DGKG: variants seen among roughly 807,000 people sequenced by gnomAD.
The protein encoded by DGKG is diacylglycerol kinase gamma.
DGKG carries 78 observed loss-of-function variants against 105.3 expected under a neutral mutation model. The ratio of observed to expected loss-of-function variants is 0.74; its 90% confidence interval spans 0.62 to 0.89. The LOEUF (loss-of-function observed/expected upper bound fraction) is 0.89, where lower values mean the gene tolerates loss of function less well. DGKG is among the 40% of genes least tolerant of loss of function. DGKG has a pLI of 0.00. For missense variants in DGKG, 958 were observed against 1,020.1 expected, an observed-to-expected ratio of 0.94 and a Z score of 0.83; for synonymous variants, 346 against 367.1, an observed-to-expected ratio of 0.94 and a Z score of 0.66.
chr3:186,269,404 G>T (rs1560125427), intron 11 of DGKG, among the ~76,000 whole-genome samples: 1 of 152,182 alleles, frequency 6.6e-6, no homozygotes, highest in Non-Finnish European at 1.5e-5. Flanking sequence ...TGTGGGAATT[G>T]GTATAAGAAG....
rs1179031736 is a variant in DGKG, at chr3:186,231,235, T to A, written c.1826+11269A>T. ...TTTTCTCATGGGCCCTTTAATCATA[T>A]CTATGGCTCTTTTCTAGTCTTTTTT... On this transcript the variant is annotated intron_variant, in intron 20 of 24. Coordinates refer to ENST00000265022, the MANE Select transcript of DGKG (RefSeq NM_001346.3). The surrounding 1 kb of genome is among the most constrained non-coding windows in gnomAD (Gnocchi z 4.5). Among the ~76,000 whole-genome samples, 1 of 152,176 alleles carries A rather than the reference T, an allele frequency of 6.6e-6. No individual in the cohort carries two copies. Among genetic ancestry groups the A allele is most frequent in the Non-Finnish European group, 1.5e-5 (1 of 68,030 alleles).
intron 6 of DGKG, among the ~76,000 whole-genome samples, chr3:186,285,448 T>TACGCTATTCAGAAAC (rs1723017725): frequency 6.6e-6 from 1 of 152,216 alleles, no homozygotes; most frequent in Non-Finnish European, 1.5e-5. Context: ...TATTCGGAAA[T>TACGCTATTCAGAAAC]ACGCTATTCA....
chr3:186,195,937 G>A (rs945644609), intron 21 of DGKG, among the ~76,000 whole-genome samples: 2 of 151,972 alleles, frequency 1.3e-5, no homozygotes, highest in Non-Finnish European at 2.9e-5. Flanking sequence ...GTGATTTTTA[G>A]ACTGATCAGT....
chr3:186,333,923 G>A (rs532643810), intron 1 of DGKG, among the ~76,000 whole-genome samples: 4 of 152,230 alleles, frequency 2.6e-5, no homozygotes, highest in Middle Eastern at 6.8e-3. Flanking sequence ...AGTTTGGAAC[G>A]GTGTGTAAAA....
chr3:186,235,800 G>A (rs930433175), intron 20 of DGKG, among the ~76,000 whole-genome samples: 7 of 152,104 alleles, frequency 4.6e-5, no homozygotes, highest in African/African-American at 7.2e-5. Flanking sequence ...TGGGTGAGGG[G>A]AAAGAAGTAT....
intron 2 of DGKG, among the ~76,000 whole-genome samples, chr3:186,317,443 A>T (rs1347957583): frequency 1.3e-5 from 2 of 151,970 alleles, no homozygotes; most frequent in East Asian, 1.9e-4. Flanking sequence ...CCTACAGGAC[A>T]TGTTTCTTAG....
At chr3:186,311,501 G>A (rs79801040) in intron 2 of DGKG, among the ~76,000 whole-genome samples, 8,972 of 152,068 alleles carry the variant, frequency 0.059, 837 homozygotes, top group African/African-American at 0.2. Context: ...GTCCTAAATC[G>A]GGTGTTCAGA....
chr3:186,202,505 T>C (rs979472625), intron 21 of DGKG, among the ~76,000 whole-genome samples: 2 of 152,250 alleles, frequency 1.3e-5, no homozygotes. Flanking sequence ...AAATCTCCCA[T>C]GTGTGGTGAT....
At chr3:186,314,173 GCACACACACACACACACACACACACA>G (rs3221277) in intron 2 of DGKG, among the ~76,000 whole-genome samples, 3 of 139,478 alleles carry the variant, frequency 2.2e-5, no homozygotes, top group South Asian at 2.6e-4. Context: ...ATACATATCT[GCACACACACACACACACACACACACA>G]CACACACACA....
intron 1 of DGKG, among the ~76,000 whole-genome samples, chr3:186,332,705 T>A (rs1007923072): frequency 6.6e-6 from 1 of 152,198 alleles, no homozygotes; most frequent in African/African-American, 2.4e-5. Context: ...ATTATGAGAT[T>A]ATTTGTATAA....
At chr3:186,299,990 A>G (rs1723844614) in intron 3 of DGKG, among the ~76,000 whole-genome samples, 1 of 151,882 alleles carries the variant, frequency 6.6e-6, no homozygotes, top group Non-Finnish European at 1.5e-5. Context: ...GGCACGTGCC[A>G]CCATGCCCGG....
chr3:186,209,393 C>T (rs1434222221), intron 21 of DGKG, among the ~76,000 whole-genome samples: 2 of 152,134 alleles, frequency 1.3e-5, no homozygotes, highest in Admixed American at 6.6e-5. Flanking sequence ...TGAGCCACTG[C>T]ACCTGGCCTA....
chr3:186,254,832 CT>C (rs758648537), intron 17 of DGKG, among the ~76,000 whole-genome samples: 34 of 152,316 alleles, frequency 2.2e-4, no homozygotes, highest in South Asian at 2.1e-3. Context: ...TGGCTCACTG[CT>C]TTCACTTCTG....
Position 186,188,375 on chromosome 3 carries a change from T to C in DGKG, c.1922A>G (p.Asp641Gly). The change falls in exon 22 of 25, where the codon GAT (aspartate) becomes GGT (glycine). Residue 641 changes from aspartate (D) to glycine (G), a missense_variant. Physicochemically the swap from Asp to Gly is moderately conservative, Grantham distance 94. Transcript: ENST00000265022. ...GTTGCTCAGGTCCACCCCAACCCCA[T>C]CACACTGGAGGACGGAGAGAAAAGG... ...KLHDHIELEC[D>G]GVGVDLSNIF... 6.2e-7 allele frequency: 1 copy of C among 1,613,934 alleles called. No individual in the cohort carries two copies. Among genetic ancestry groups the C allele is most frequent in the Non-Finnish European group, 8.5e-7 (1 of 1,179,974 alleles).
chr3:186,338,920 C>T (rs1212796423), intron 1 of DGKG, among the ~76,000 whole-genome samples: 3 of 152,122 alleles, frequency 2.0e-5, no homozygotes, highest in African/African-American at 4.8e-5. Flanking sequence ...ATAGGATAAA[C>T]AATATGTATT....
chr3:186,274,401 A>G (rs1322684507), intron 10 of DGKG, among the ~76,000 whole-genome samples: 1 of 151,060 alleles, frequency 6.6e-6, no homozygotes, highest in Non-Finnish European at 1.5e-5. Context: ...TTTATTTTTT[A>G]TTATACATTA....
chr3:186,335,473 A>G (rs1725789004), intron 1 of DGKG, among the ~76,000 whole-genome samples: 1 of 152,166 alleles, frequency 6.6e-6, no homozygotes, highest in African/African-American at 2.4e-5. Flanking sequence ...TACTCTTGCC[A>G]CATGGTATCT....
rs577520403 is a variant in DGKG, at chr3:186,172,137, G to A, written c.2096-7119C>T. 2.0e-4 allele frequency among the ~76,000 whole-genome samples: 31 copies of A among 152,308 alleles called. No individual in the cohort carries two copies. The East Asian group carries it at 5.4e-3, about 27-fold the overall frequency. On this transcript the variant is annotated intron_variant, in intron 22 of 24. Transcript: ENST00000265022. ...GCTGGGATTACAGGTGTGAGCCACC[G>A]CGCCCAGTGCCCGCTTGCTTTTTTG...
rs2108640636 is a variant in DGKG, at chr3:186,320,631, G to T, written c.-172C>A. On this transcript the variant is annotated 5_prime_UTR_variant, in exon 2 of 25. Transcript: ENST00000265022. ...CAGCAGCAGGCACCTCTCAGAAGAT[G>T]AGACAAGATCTCTGCTATTCCTTAG... 2 of 1,086,650 alleles carry T rather than the reference G, an allele frequency of 1.8e-6. No individual in the cohort carries two copies. The highest frequency in any genetic ancestry group is 2.6e-6 in the Non-Finnish European group (2 of 784,062). The allele number at this position is 1,086,650 out of a possible 1,614,324, so 67.3% of individuals were successfully genotyped here.
Sources: allele counts gnomAD v4.1 joint callset (sites outside exome capture counted in the v4.1 genomes callset), GRCh38; gene constraint gnomAD v4.1.1; non-coding constraint Gnocchi (gnomAD v3.1); transcripts MANE v1.5; gene names NCBI Gene and HGNC (gene_info 2026-07-23, HGNC 2026-07-21).